The following ANO4 variants were observed in gnomAD, a reference collection of about 807,000 sequenced individuals.
ANO4 encodes anoctamin-4.
A neutral mutation model predicts 141.9 loss-of-function variants in ANO4; 69 were observed. That is an observed-to-expected ratio of 0.49 (90% CI 0.40 to 0.59). ANO4 has a LOEUF of 0.59. Ranked by LOEUF, ANO4 falls within the 20% of genes least tolerant of loss-of-function variation. ANO4 has a pLI of 0.00. For synonymous variants in ANO4, 350 were observed against 394.3 expected (o/e 0.89, Z 1.33); for missense variants, 894 against 1,162.2 (o/e 0.77, Z 3.36).
In ANO4 at chr12:101,020,747, CAT is replaced by C. The variant is rs201185900; in HGVS notation, c.841+614_841+615del. ...ATCTCCTCCATTAAATAGCCTCTAC[CAT>C]ATATATTTTAGGCATTTTTATGAGA... On this transcript the variant is annotated intron_variant, in intron 9 of 27. Coordinates refer to ENST00000392977, the MANE Select transcript of ANO4 (RefSeq NM_001286615.2). 5.7e-3 allele frequency among the ~76,000 whole-genome samples: 874 copies of C among 152,244 alleles called. 5 individuals are homozygous for C. The highest frequency in any genetic ancestry group is 9.4e-3 in the Non-Finnish European group (642 of 68,022).
At chr12:101,123,460 T>C (rs1006219916) in intron 26 of ANO4, among the ~76,000 whole-genome samples, 2 of 152,052 alleles carry the variant, frequency 1.3e-5, no homozygotes, top group African/African-American at 4.8e-5. Context: ...TTTCTGATGC[T>C]CTCCCTTCCC....
intron 1 of ANO4, among the ~76,000 whole-genome samples, chr12:100,809,294 G>A (rs1400051173): frequency 6.6e-6 from 1 of 151,894 alleles, no homozygotes; most frequent in Non-Finnish European, 1.5e-5. Context: ...GGCTGAGGGA[G>A]GAGAATTGCT....
chr12:100,919,077 G>T (rs542005668), intron 2 of ANO4, among the ~76,000 whole-genome samples: 2 of 152,150 alleles, frequency 1.3e-5, no homozygotes, highest in South Asian at 4.2e-4. Flanking sequence ...TATAAAGAAA[G>T]AAAATATTTT....
chr12:100,816,740 A>T (rs977703535), intron 1 of ANO4, among the ~76,000 whole-genome samples: 9 of 151,994 alleles, frequency 5.9e-5, no homozygotes, highest in Non-Finnish European at 8.8e-5. Context: ...TGTGATTGTT[A>T]TACCATAATT....
At chr12:101,000,243 C>T (rs1467550110) in intron 8 of ANO4, among the ~76,000 whole-genome samples, 1 of 152,144 alleles carries the variant, frequency 6.6e-6, no homozygotes, top group African/African-American at 2.4e-5. Context: ...TGCAAAGGCT[C>T]ATAACTGACC....
intron 1 of ANO4, among the ~76,000 whole-genome samples, chr12:100,731,872 CCA>C: frequency 6.6e-6 from 1 of 152,238 alleles, no homozygotes; most frequent in Non-Finnish European, 1.5e-5. Flanking sequence ...TCTGGATATA[CCA>C]CAGTTTTATT....
At chr12:100,740,002 G>T (rs1347772839) in exon 3 of ANO4, 2 of 702,554 alleles carry the variant, frequency 2.8e-6, no homozygotes, top group South Asian at 3.0e-5. Flanking sequence ...TCACCCGCAA[G>T]ACTGACCAGG....
At chr12:100,986,767 G>A (rs1416318628) in intron 7 of ANO4, among the ~76,000 whole-genome samples, 3 of 152,102 alleles carry the variant, frequency 2.0e-5, no homozygotes, top group Admixed American at 6.6e-5. Flanking sequence ...GTTTTTCTGT[G>A]AACAGTGATT....
intron 1 of ANO4, among the ~76,000 whole-genome samples, chr12:100,900,994 G>T (rs1406586613): frequency 6.6e-6 from 1 of 152,164 alleles, no homozygotes; most frequent in Non-Finnish European, 1.5e-5. Flanking sequence ...CCATATTAAT[G>T]ATGTAATCTA....
At chr12:101,110,614 T>A (rs2050626739) in intron 23 of ANO4, 58 bp downstream of exon 23, 1 of 1,374,772 alleles carries the variant, frequency 7.3e-7, no homozygotes. Flanking sequence ...TGGATAAAAT[T>A]TTAAAAGCCA....
intron 12 of ANO4, 28 bp downstream of exon 12, chr12:101,042,496 C>T (rs1231777407): frequency 6.2e-7 from 1 of 1,613,518 alleles, no homozygotes; most frequent in East Asian, 2.2e-5. Flanking sequence ...ATGAGTTTGC[C>T]TTTGTTTAGT....
rs543588051 is a variant in ANO4 at position 100,967,085 on chromosome 12, T to A, written c.457-4221T>A. On this transcript the variant is annotated intron_variant, in intron 5 of 27. Coordinates refer to ENST00000392977, the MANE Select transcript of ANO4 (RefSeq NM_001286615.2). The stretch of plus-strand genomic sequence containing the variant: ...TCTTGCTGAACAAAAGAAAAAAAAA[T>A]TTTGTGTGTGAATCTTATCTCTTTT... Among the ~76,000 whole-genome samples the A allele has an allele frequency of 4.6e-5, 7 of 152,006 alleles. No individual in the cohort carries two copies. The East Asian group carries it at 1.4e-3, about 29-fold the overall frequency.
At chr12:101,006,434 A>G (rs1430112664) in intron 8 of ANO4, among the ~76,000 whole-genome samples, 1 of 152,242 alleles carries the variant, frequency 6.6e-6, no homozygotes, top group Non-Finnish European at 1.5e-5. Flanking sequence ...CCTATTGGAC[A>G]TGCACCCTTA....
intron 27 of ANO4, 70 bp downstream of exon 27, chr12:101,127,144 C>A: frequency 7.2e-7 from 1 of 1,391,516 alleles, no homozygotes; most frequent in Non-Finnish European, 9.8e-7. Context: ...CTCCCTGAAG[C>A]AAAGCTTACC....
In ANO4 at chr12:101,020,097, C is replaced by T; in HGVS notation, c.798C>T (p.His266=). The T allele has an allele frequency of 6.2e-7, 1 of 1,613,222 alleles. No individual in the cohort carries two copies. The highest frequency in any genetic ancestry group is 8.5e-7 in the Non-Finnish European group (1 of 1,179,350). Residue 266 remains histidine (H), a synonymous_variant, in exon 9 of 28, where the codon CAC becomes CAT. Coordinates refer to ENST00000392977, the MANE Select transcript of ANO4 (RefSeq NM_001286615.2). ...CCACAAGAAGTAGAATCGTGCATCA[C>T]ATTTTACAAAGAATAAAATATGAAG... The part of the protein sequence containing the change: ...NNATRSRIVH[H]ILQRIKYEEG...
chr12:100,900,774 ATTC>A (rs2040559431), intron 1 of ANO4, among the ~76,000 whole-genome samples: 1 of 152,210 alleles, frequency 6.6e-6, no homozygotes, highest in Non-Finnish European at 1.5e-5. Context: ...CTTAGCAAGA[ATTC>A]TTCTGTAGTG....
chr12:101,068,860 G>T (rs2048700516), intron 14 of ANO4: 11 of 910,814 alleles, frequency 1.2e-5, no homozygotes, highest in Non-Finnish European at 2.0e-5. Context: ...GAAAGTAGAG[G>T]GTTGAATCTC....
At chr12:100,746,453 T>TAAAAAAAAAAAAAAAAAAAAA (rs58996492) in intron 3 of ANO4, among the ~76,000 whole-genome samples, 12 of 146,958 alleles carry the variant, frequency 8.2e-5, no homozygotes, top group Non-Finnish European at 1.5e-4. Context: ...ACTCTGTTAT[T>TAAAAAAAAAAAAAAAAAAAAA]AAAAAGAATG....
intron 1 of ANO4, among the ~76,000 whole-genome samples, chr12:100,720,363 A>G (rs1160308785): frequency 1.3e-5 from 2 of 152,020 alleles, no homozygotes; most frequent in Admixed American, 6.6e-5. Context: ...AAGAAAAGGA[A>G]TGAGGCATTC....
Sources: allele counts gnomAD v4.1 joint callset (sites outside exome capture counted in the v4.1 genomes callset), GRCh38; gene constraint gnomAD v4.1.1; transcripts MANE v1.5; gene names NCBI Gene and HGNC (gene_info 2026-07-23, HGNC 2026-07-21).